Variants in COMMD10 observed in about 807,000 individuals in gnomAD.
The protein encoded by COMMD10 is COMM domain containing 10.
COMMD10 carries 33 observed loss-of-function variants against 28.9 expected under a neutral mutation model. The ratio of observed to expected loss-of-function variants is 1.14; its 90% CI spans 0.87 to 1.53. The LOEUF is 1.53. COMMD10 is among the 40% of genes most tolerant of loss of function. COMMD10 has a pLI of 0.00. For synonymous variants in COMMD10, 110 were observed against 81.7 expected, an observed-to-expected ratio of 1.35 and a Z score of -1.87; for missense variants, 310 against 233.4, an observed-to-expected ratio of 1.33 and a Z score of -2.14.
At chr5:116,111,003 A>G (rs972253369) in intron 4 of COMMD10, among the ~76,000 whole-genome samples, 3 of 152,304 alleles carry the variant, frequency 2.0e-5, no homozygotes, top group South Asian at 2.1e-4. Flanking sequence ...CATCCAAACT[A>G]TATCAGGTTA....
intron 1 of COMMD10, 22 bp downstream of exon 1, chr5:116,085,115 T>G: frequency 6.3e-7 from 1 of 1,591,018 alleles, no homozygotes; most frequent in South Asian, 1.1e-5. Flanking sequence ...GTTAAGCTCT[T>G]GCGGTAGCCG....
chr5:116,096,960 T>A (rs1750488295), intron 4 of COMMD10, among the ~76,000 whole-genome samples: 1 of 152,158 alleles, frequency 6.6e-6, no homozygotes, highest in African/African-American at 2.4e-5. Flanking sequence ...ATATTTTTCC[T>A]ATATTTTATA....
intron 5 of COMMD10, among the ~76,000 whole-genome samples, chr5:116,148,022 T>C (rs1392217636): frequency 6.6e-6 from 1 of 151,836 alleles, no homozygotes; most frequent in Non-Finnish European, 1.5e-5. Context: ...GTATGTTCCA[T>C]TTCTTATTTC....
Position 116,280,441 on chromosome 5 carries a change from A to G in COMMD10, c.511-11076A>G, listed in dbSNP as rs539396548. Among the ~76,000 whole-genome samples the G allele has an allele frequency of 2.0e-4, 31 of 151,864 alleles. 2 individuals carry two copies. The highest frequency in any genetic ancestry group is 6.8e-4 in the African/African-American group (28 of 41,248). On this transcript the variant is annotated intron_variant, in intron 5 of 6. Transcript: ENST00000274458. ...TTTGGAGAGATGGGAAGAGAATCCTATTCTCCCTCGTTGCCCCACGTACAG... is the reference window on the plus strand; with the variant it reads ...TTTGGAGAGATGGGAAGAGAATCCTGTTCTCCCTCGTTGCCCCACGTACAG...
chr5:116,103,908 C>G (rs1750746317), intron 4 of COMMD10, among the ~76,000 whole-genome samples: 1 of 152,200 alleles, frequency 6.6e-6, no homozygotes, highest in Admixed American at 6.5e-5. Flanking sequence ...CATAGGGAAT[C>G]CCTTCCCCAT....
intron 5 of COMMD10, among the ~76,000 whole-genome samples, chr5:116,157,129 A>T (rs967143988): frequency 6.6e-6 from 1 of 152,082 alleles, no homozygotes; most frequent in Non-Finnish European, 1.5e-5. Flanking sequence ...ACCAATAACA[A>T]TTTTTTAATG....
At chr5:116,128,333 A>G (rs1347828804) in intron 4 of COMMD10, among the ~76,000 whole-genome samples, 1 of 152,024 alleles carries the variant, frequency 6.6e-6, no homozygotes, top group Non-Finnish European at 1.5e-5. Flanking sequence ...GCATGGGTTG[A>G]AAACCATTAT....
intron 4 of COMMD10, among the ~76,000 whole-genome samples, chr5:116,094,619 T>G (rs1441880439): frequency 6.6e-6 from 1 of 152,190 alleles, no homozygotes; most frequent in Non-Finnish European, 1.5e-5. Context: ...TGGAGATTTC[T>G]CAAAAAACTA....
At chr5:116,153,903 T>C (rs1752618438) in intron 5 of COMMD10, among the ~76,000 whole-genome samples, 1 of 152,148 alleles carries the variant, frequency 6.6e-6, no homozygotes, top group South Asian at 2.1e-4. Flanking sequence ...CCTGTTTTTT[T>C]CCTGGTGGGG....
chr5:116,205,154 T>G (rs573744435), intron 5 of COMMD10, among the ~76,000 whole-genome samples: 5 of 152,274 alleles, frequency 3.3e-5, no homozygotes, highest in Middle Eastern at 3.4e-3. Flanking sequence ...CAATAATAAA[T>G]ATAAATTTTA....
At chr5:116,227,544 T>C (rs1472527377) in intron 5 of COMMD10, among the ~76,000 whole-genome samples, 1 of 152,064 alleles carries the variant, frequency 6.6e-6, no homozygotes. Context: ...TTATGTTTTG[T>C]CTCCTCTGCC....
intron 5 of COMMD10, among the ~76,000 whole-genome samples, chr5:116,250,560 A>G (rs996604709): frequency 6.6e-6 from 1 of 151,858 alleles, no homozygotes; most frequent in Non-Finnish European, 1.5e-5. Context: ...CTCACCTCAT[A>G]GAGGCATATA....
At chr5:116,188,704 G>T (rs1366595613) in intron 5 of COMMD10, among the ~76,000 whole-genome samples, 6 of 139,224 alleles carry the variant, frequency 4.3e-5, no homozygotes, top group African/African-American at 1.7e-4. Flanking sequence ...GCACGATCTT[G>T]GCTCAGCTTC....
rs1353685155 is a variant in COMMD10 at position 116,182,523 on chromosome 5, G to A, written c.510+48345G>A. Reference sequence around the variant, plus strand: ...AGTGAGAAATCAAAGAAGAAACTTTGTTGCTGAGACATTTAGACTATTTCT... The same window carrying A: ...AGTGAGAAATCAAAGAAGAAACTTTATTGCTGAGACATTTAGACTATTTCT... On this transcript the variant is annotated intron_variant, in intron 5 of 6. Coordinates refer to ENST00000274458, the MANE Select transcript of COMMD10 (RefSeq NM_016144.4). 7.2e-5 allele frequency among the ~76,000 whole-genome samples: 11 copies of A among 151,998 alleles called. 1 individual carries two copies. Among genetic ancestry groups the A allele is most frequent in the Admixed American group, 7.2e-4 (11 of 15,228 alleles).
intron 5 of COMMD10, among the ~76,000 whole-genome samples, chr5:116,203,262 G>T (rs1748719640): frequency 6.6e-6 from 1 of 152,152 alleles, no homozygotes; most frequent in East Asian, 1.9e-4. Flanking sequence ...ATCTACGTCT[G>T]ATTAGTGTAC....
chr5:116,246,505 A>T (rs1371410119), intron 5 of COMMD10, among the ~76,000 whole-genome samples: 4 of 152,100 alleles, frequency 2.6e-5, no homozygotes, highest in Admixed American at 6.6e-5. Flanking sequence ...GTTCATCTGG[A>T]ACCAAAAAAG....
chr5:116,128,540 G>T (rs35941525), intron 4 of COMMD10, among the ~76,000 whole-genome samples: 75,792 of 151,130 alleles, frequency 0.5, 21,498 homozygotes, highest in Non-Finnish European at 0.65. Context: ...CTAACTTAAG[G>T]CAAAACTCTA....
chr5:116,266,349 C>G (rs1281106160), intron 5 of COMMD10, among the ~76,000 whole-genome samples: 1 of 151,364 alleles, frequency 6.6e-6, no homozygotes, highest in African/African-American at 2.4e-5. Context: ...TTATATTTTT[C>G]TTTTTAACTA....
At chr5:116,276,264 T>C (rs1022321195) in intron 5 of COMMD10, among the ~76,000 whole-genome samples, 3 of 151,786 alleles carry the variant, frequency 2.0e-5, no homozygotes, top group Admixed American at 6.6e-5. Flanking sequence ...TTTTTTCTTC[T>C]TTTTTGAGAT....
Sources: gnomAD v4.1 joint callset for allele counts (sites outside exome capture counted in the v4.1 genomes callset) on GRCh38, gnomAD v4.1.1 for gene constraint, MANE v1.5 for transcripts, NCBI Gene and HGNC (gene_info 2026-07-23, HGNC 2026-07-21) for gene names.